Variants in PLCL2 observed in about 807,000 individuals in gnomAD.
The protein encoded by PLCL2 is phospholipase C like 2.
A neutral mutation model predicts 79.6 loss-of-function variants in PLCL2; 4 were observed. The observed-to-expected ratio is 0.05, with a 90% CI of 0.02 to 0.11. The LOEUF (loss-of-function observed/expected upper bound fraction) is 0.11, where lower values mean the gene tolerates loss of function less well. Ranked by LOEUF, PLCL2 falls within the 10% of genes least tolerant of loss-of-function variation. The pLI is 1.00. For synonymous variants in PLCL2, 484 were observed against 457.7 expected, an observed-to-expected ratio of 1.06 and a Z score of -0.73; for missense variants, 895 against 1,291.0, an observed-to-expected ratio of 0.69 and a Z score of 4.70.
chr3:16,956,078 G>A (rs2063702083), intron 1 of PLCL2, among the ~76,000 whole-genome samples: 1 of 152,178 alleles, frequency 6.6e-6, no homozygotes, highest in South Asian at 2.1e-4. Context: ...GAATAGGAGT[G>A]GTGAGAGAGG....
intron 4 of PLCL2, among the ~76,000 whole-genome samples, chr3:17,046,917 TC>T (rs1354489404): frequency 2.0e-5 from 3 of 152,110 alleles, no homozygotes; most frequent in Admixed American, 1.3e-4. Flanking sequence ...CGCTTAGATC[TC>T]TGTGTCCTGA....
intron 1 of PLCL2, among the ~76,000 whole-genome samples, chr3:16,914,177 G>T (rs570733284): frequency 1.3e-5 from 2 of 152,302 alleles, no homozygotes; most frequent in South Asian, 4.1e-4. Flanking sequence ...GTTGTGGAGA[G>T]AGAAAGTAGT....
rs75411290 is a variant in PLCL2, at chr3:16,938,853, C to T, written c.327+53487C>T. Reference sequence around the variant, plus strand: ...TTGTACCTGAAACAGAGATAGCTAACACTGTTACTCCAAAACTAGAGCGAA... The same window carrying T: ...TTGTACCTGAAACAGAGATAGCTAATACTGTTACTCCAAAACTAGAGCGAA... On this transcript the variant is annotated intron_variant, in intron 1 of 5. Coordinates refer to ENST00000615277, the MANE Select transcript of PLCL2 (RefSeq NM_001144382.2). Among the ~76,000 whole-genome samples, 44 of 152,282 alleles carry T rather than the reference C, an allele frequency of 2.9e-4. No homozygotes were observed. The East Asian group carries it at 7.7e-3, about 27-fold the overall frequency.
At chr3:16,956,932 T>G (rs554568252) in intron 1 of PLCL2, among the ~76,000 whole-genome samples, 32 of 152,326 alleles carry the variant, frequency 2.1e-4, no homozygotes, top group Non-Finnish European at 4.1e-4. Flanking sequence ...TCTTCTTTAT[T>G]AGTCTTGCTA....
At chr3:16,966,623 C>T (rs543906588) in intron 1 of PLCL2, among the ~76,000 whole-genome samples, 13 of 152,068 alleles carry the variant, frequency 8.5e-5, no homozygotes, top group Admixed American at 6.6e-5. Context: ...TGGTAGAATT[C>T]GGCCGTGAAT....
rs535044759 is a variant in PLCL2 at position 16,946,189 on chromosome 3, A to C, written c.327+60823A>C. Among the ~76,000 whole-genome samples the C allele has an allele frequency of 7.2e-5, 11 of 152,264 alleles. No homozygotes were observed. In the East Asian group the frequency reaches 1.7e-3, roughly 24 times the overall value. On this transcript the variant is annotated intron_variant, in intron 1 of 5. Transcript: ENST00000615277. ...ATGGGAAGGATTTGGATAGAAGAGA[A>C]GAAGGGGAAAGGTGGTTTAAATAGC...
chr3:16,968,610 A>G (rs2063828341), intron 1 of PLCL2, among the ~76,000 whole-genome samples: 2 of 152,156 alleles, frequency 1.3e-5, no homozygotes, highest in South Asian at 4.2e-4. Context: ...TTATTTTTGT[A>G]CGTTGATTTT....
intron 1 of PLCL2, among the ~76,000 whole-genome samples, chr3:16,904,697 C>T (rs930826138): frequency 2.6e-5 from 4 of 152,074 alleles, no homozygotes; most frequent in African/African-American, 9.7e-5. Context: ...TTGTAGTTCC[C>T]GTAATCCCTA....
intron 5 of PLCL2, among the ~76,000 whole-genome samples, chr3:17,080,351 G>T (rs1030752991): frequency 1.3e-5 from 2 of 152,142 alleles, no homozygotes; most frequent in Admixed American, 1.3e-4. Flanking sequence ...AATGTGCCAC[G>T]ATCTCAGCCA....
intron 3 of PLCL2, among the ~76,000 whole-genome samples, chr3:17,034,639 A>G (rs901465791): frequency 6.6e-6 from 1 of 152,186 alleles, no homozygotes; most frequent in African/African-American, 2.4e-5. Context: ...TGTATAGTTC[A>G]CATTTATTTC....
chr3:17,021,473 T>C (rs2064452304), intron 3 of PLCL2, among the ~76,000 whole-genome samples: 1 of 152,142 alleles, frequency 6.6e-6, no homozygotes, highest in African/African-American at 2.4e-5. Context: ...GAGAAACCTT[T>C]GGGAGATTGT....
At chr3:17,021,711 C>G (rs2064457191) in intron 3 of PLCL2, among the ~76,000 whole-genome samples, 1 of 152,048 alleles carries the variant, frequency 6.6e-6, no homozygotes. Context: ...GACTTAATCA[C>G]ATAGCATCAC....
At chr3:16,928,308 T>C (rs144537430) in intron 1 of PLCL2, among the ~76,000 whole-genome samples, 17 of 152,298 alleles carry the variant, frequency 1.1e-4, no homozygotes, top group Non-Finnish European at 2.2e-4. Context: ...GTTGTACATG[T>C]TTTAGCTGAG....
chr3:17,029,612 G>A (rs143015200), intron 3 of PLCL2, among the ~76,000 whole-genome samples: 1 of 152,258 alleles, frequency 6.6e-6, no homozygotes, highest in Admixed American at 6.5e-5. Context: ...ACATGGACTG[G>A]GGTCACACCA....
At chr3:17,078,723 AG>A (rs765381563) in intron 5 of PLCL2, among the ~76,000 whole-genome samples, 2 of 152,094 alleles carry the variant, frequency 1.3e-5, no homozygotes, top group Non-Finnish European at 2.9e-5. Flanking sequence ...TTTTTACCTG[AG>A]GTACAGTGCT....
At chr3:16,919,927 C>A (rs1697084211) in intron 1 of PLCL2, among the ~76,000 whole-genome samples, 1 of 152,098 alleles carries the variant, frequency 6.6e-6, no homozygotes, top group Non-Finnish European at 1.5e-5. Flanking sequence ...TTCACTCAGG[C>A]AAATTATAGA....
intron 1 of PLCL2, among the ~76,000 whole-genome samples, chr3:16,930,178 G>T (rs1197716684): frequency 6.6e-6 from 1 of 152,150 alleles, no homozygotes; most frequent in Non-Finnish European, 1.5e-5. Context: ...ATTTAATGTG[G>T]GTTAGAGTAT....
At chr3:16,918,813 A>G (rs1006173045) in intron 1 of PLCL2, among the ~76,000 whole-genome samples, 7 of 152,180 alleles carry the variant, frequency 4.6e-5, no homozygotes, top group African/African-American at 1.7e-4. Flanking sequence ...TTGTGCTCAC[A>G]TAGCACTGGA....
Position 17,010,961 on chromosome 3 carries a change from T to A in PLCL2, c.1615T>A (p.Leu539Ile), listed in dbSNP as rs770844300. ...AATGGTTCAGCACATGAAGAAACTTTTAGGAGACAAGCTCTATACAACATC... is the reference window on the plus strand; with the variant it reads ...AATGGTTCAGCACATGAAGAAACTTATAGGAGACAAGCTCTATACAACATC... ...KVMVQHMKKLLGDKLYTTSPN... is the reference protein window; with the variant it reads ...KVMVQHMKKLIGDKLYTTSPN... Residue 539 changes from leucine to isoleucine, a missense_variant, in exon 2 of 6, where the codon TTA becomes ATA. Leu to Ile is a conservative substitution (Grantham distance 5). Transcript: ENST00000615277. This position sits in a 1 kb window ranked among gnomAD's most constrained non-coding sequence, Gnocchi z 5.8. 1.2e-6 allele frequency: 2 copies of A among 1,614,080 alleles called. No homozygotes were observed. Among genetic ancestry groups the A allele is most frequent in the African/African-American group, 1.3e-5 (1 of 75,038 alleles).
Sources: gnomAD v4.1 joint callset for allele counts (sites outside exome capture counted in the v4.1 genomes callset) on GRCh38, gnomAD v4.1.1 for gene constraint, Gnocchi (gnomAD v3.1) non-coding constraint, MANE v1.5 for transcripts, NCBI Gene and HGNC (gene_info 2026-07-23, HGNC 2026-07-21) for gene names.